The following FOXP2 variants were observed in gnomAD, a reference collection of about 807,000 sequenced individuals.
The protein encoded by FOXP2 is forkhead box P2.
A neutral mutation model predicts 115.8 loss-of-function variants in FOXP2; 12 were observed. That is an observed-to-expected ratio of 0.10 (90% confidence interval 0.07 to 0.17). The LOEUF is 0.17. Among genes scored for constraint, FOXP2 ranks in the 10% least tolerant of loss-of-function variants. The pLI is 1.00. For synonymous variants in FOXP2, 328 were observed against 297.7 expected, an observed-to-expected ratio of 1.10 and a Z score of -1.05; for missense variants, 629 against 843.5, an observed-to-expected ratio of 0.75 and a Z score of 3.15.
intron 1 of FOXP2, among the ~76,000 whole-genome samples, chr7:114,239,688 A>T (rs909932424): frequency 2.0e-5 from 3 of 152,224 alleles, no homozygotes; most frequent in African/African-American, 7.2e-5. Context: ...AATAGTTAAA[A>T]GATAACATGT....
chr7:114,129,525 T>TATAAA, intron 1 of FOXP2, among the ~76,000 whole-genome samples: 1 of 152,328 alleles, frequency 6.6e-6, no homozygotes, highest in Non-Finnish European at 1.5e-5. Flanking sequence ...AATGTGTTTT[T>TATAAA]ATAAAATAAA....
intron 2 of FOXP2, among the ~76,000 whole-genome samples, chr7:114,320,445 G>A (rs187705461): frequency 5.3e-5 from 8 of 152,018 alleles, no homozygotes; most frequent in African/African-American, 1.5e-4. Flanking sequence ...ACTTAATTAC[G>A]TGTTTGTTTG....
At chr7:114,683,286 T>G (rs1205114446) in intron 16 of FOXP2, among the ~76,000 whole-genome samples, 1 of 152,200 alleles carries the variant, frequency 6.6e-6, no homozygotes, top group East Asian at 1.9e-4. Context: ...TCTGTGAAGT[T>G]CACAGTCTAC....
At position 114,448,253 on chromosome 7, in the gene FOXP2, A is replaced by G. The variant is rs534186762; in HGVS notation, c.168+21574A>G. ...GAAAATCAAAATTTGATTTTTTATA[A>G]TAACTACTGATATTAATAAAATCCA... On this transcript the variant is annotated intron_variant, in intron 2 of 16. Coordinates refer to ENST00000350908, the MANE Select transcript of FOXP2 (RefSeq NM_014491.4). Among the ~76,000 whole-genome samples the G allele has an allele frequency of 2.4e-3, 359 of 152,292 alleles. 1 individual carries two copies. The highest frequency in any genetic ancestry group is 3.1e-3 in the Non-Finnish European group (212 of 67,998).
chr7:114,399,138 A>T (rs1182298613), intron 2 of FOXP2, among the ~76,000 whole-genome samples: 2 of 142,960 alleles, frequency 1.4e-5, no homozygotes, highest in Non-Finnish European at 3.0e-5. Context: ...TGAGACAGAG[A>T]GTCCTGTTGC....
intron 2 of FOXP2, among the ~76,000 whole-genome samples, chr7:114,526,063 G>T (rs541492060): frequency 3.5e-4 from 51 of 147,818 alleles, no homozygotes; most frequent in Non-Finnish European, 7.3e-4. Flanking sequence ...AGTGAGCCAA[G>T]ATCACACCAT....
At chr7:114,246,951 T>A (rs1795300060) in intron 1 of FOXP2, among the ~76,000 whole-genome samples, 1 of 152,200 alleles carries the variant, frequency 6.6e-6, no homozygotes, top group Non-Finnish European at 1.5e-5. Context: ...AGAATTGTCT[T>A]TTCAGGACTA....
chr7:114,471,938 C>A (rs1451298233), intron 2 of FOXP2, among the ~76,000 whole-genome samples: 1 of 147,756 alleles, frequency 6.8e-6, no homozygotes, highest in Non-Finnish European at 1.5e-5. Flanking sequence ...CCAGCCCGGG[C>A]AACTGAGTGA....
intron 6 of FOXP2, among the ~76,000 whole-genome samples, 176 bp downstream of exon 6, chr7:114,631,881 A>G (rs1804943119): frequency 6.6e-6 from 1 of 152,204 alleles, no homozygotes; most frequent in Non-Finnish European, 1.5e-5. Context: ...AAATTTTACC[A>G]TATACTGCTT....
chr7:114,292,026 C>T (rs1170496321), intron 2 of FOXP2, among the ~76,000 whole-genome samples: 1 of 133,566 alleles, frequency 7.5e-6, no homozygotes, highest in Non-Finnish European at 1.6e-5. Flanking sequence ...CATTAAAACA[C>T]ATACACATAT....
chr7:114,104,906 T>C (rs535601068), intron 1 of FOXP2, among the ~76,000 whole-genome samples: 5 of 152,186 alleles, frequency 3.3e-5, no homozygotes, highest in African/African-American at 1.2e-4. Flanking sequence ...AATTTAAAAA[T>C]GTGAAAAATT....
chr7:114,147,184 A>G (rs1259796699), intron 1 of FOXP2, among the ~76,000 whole-genome samples: 1 of 152,200 alleles, frequency 6.6e-6, no homozygotes, highest in Non-Finnish European at 1.5e-5. Flanking sequence ...TTACATATAT[A>G]TAAGATGGGG....
rs146050944 is a variant in FOXP2 at position 114,288,600 on chromosome 7, T to G, written c.-11+491T>G. 2.6e-3 allele frequency among the ~76,000 whole-genome samples: 398 copies of G among 151,904 alleles called. 3 individuals are homozygous for G. Among genetic ancestry groups the G allele is most frequent in the African/African-American group, 9.2e-3 (383 of 41,530 alleles). On this transcript the variant is annotated intron_variant, in intron 2 of 17. Coordinates refer to the FOXP2 transcript ENST00000634411. ...GAAAATTTGATTTTTCTAATACAAT[T>G]TTTGAGATCCAGTCAGCTATTTTGA...
At chr7:114,574,437 C>A (rs74588401) in intron 3 of FOXP2, among the ~76,000 whole-genome samples, 12,855 of 151,710 alleles carry the variant, frequency 0.085, 616 homozygotes, top group Middle Eastern at 0.16. Flanking sequence ...AAAATCTTCA[C>A]TTATTTTACT....
chr7:114,438,331 GTCCCCTAT>G (rs1794444070), intron 2 of FOXP2, among the ~76,000 whole-genome samples: 1 of 151,958 alleles, frequency 6.6e-6, no homozygotes, highest in Non-Finnish European at 1.5e-5. Context: ...TGTTCTGCAG[GTCCCCTAT>G]AAAAGAGAAG....
At chr7:114,458,289 C>T (rs530813414) in intron 2 of FOXP2, among the ~76,000 whole-genome samples, 4 of 151,974 alleles carry the variant, frequency 2.6e-5, no homozygotes, top group African/African-American at 9.6e-5. Flanking sequence ...AACCTTATTA[C>T]TTGTATTTCA....
intron 1 of FOXP2, among the ~76,000 whole-genome samples, chr7:114,184,235 G>T (rs1441654706): frequency 1.3e-5 from 2 of 152,004 alleles, no homozygotes; most frequent in Non-Finnish European, 2.9e-5. Context: ...TTCTGAGTTG[G>T]TTATTTGACA....
chr7:114,185,953 A>G (rs1793591784), intron 1 of FOXP2, among the ~76,000 whole-genome samples: 4 of 152,016 alleles, frequency 2.6e-5, no homozygotes, highest in Non-Finnish European at 5.9e-5. Flanking sequence ...TGGTAAGGGC[A>G]TTTTTTGCTA....
Position 114,691,609 on chromosome 7 carries a change from C to T in FOXP2, c.*1683C>T, listed in dbSNP as rs1243328869. ...CAGATGTTTGCTTAAAACCTAGAAA[C>T]TTAACATGTTGCTTTTCATGTGCTG... On this transcript the variant is annotated 3_prime_UTR_variant, in exon 17 of 17. Coordinates refer to ENST00000350908, the MANE Select transcript of FOXP2 (RefSeq NM_014491.4). The T allele has an allele frequency of 4.4e-6, 2 of 453,820 alleles. No homozygotes were observed. Among genetic ancestry groups the T allele is most frequent in the African/African-American group, 2.0e-5 (1 of 49,964 alleles). The allele number at this position is 453,820 out of a possible 1,614,324, so 28.1% of individuals were successfully genotyped here.
Sources: gnomAD v4.1 joint callset for allele counts (sites outside exome capture counted in the v4.1 genomes callset) on GRCh38, gnomAD v4.1.1 for gene constraint, MANE v1.5 for transcripts, NCBI Gene and HGNC (gene_info 2026-07-23, HGNC 2026-07-21) for gene names.